NEK10: variants seen among roughly 807,000 people sequenced by gnomAD.
NEK10 encodes the protein serine/threonine-protein kinase Nek10.
NEK10 carries 122 observed loss-of-function variants against 159.8 expected under a neutral mutation model. The ratio of observed to expected loss-of-function variants is 0.76; its 90% CI spans 0.66 to 0.89. NEK10 has a LOEUF of 0.89. Ranked by LOEUF, NEK10 falls within the 40% of genes least tolerant of loss-of-function variation. NEK10 has a pLI of 0.00. For synonymous variants in NEK10, 466 were observed against 457.1 expected, an observed-to-expected ratio of 1.02 and a Z score of -0.25; for missense variants, 1,342 against 1,323.1, an observed-to-expected ratio of 1.01 and a Z score of -0.22.
At chr3:27,128,934 C>T (rs769316532) in intron 32 of NEK10, among the ~76,000 whole-genome samples, 10 of 152,026 alleles carry the variant, frequency 6.6e-5, no homozygotes, top group East Asian at 3.9e-4. Flanking sequence ...ATTAGTTTCT[C>T]GACTATTTCA....
At chr3:27,135,181 G>A (rs1943060498) in intron 31 of NEK10, among the ~76,000 whole-genome samples, 1 of 152,130 alleles carries the variant, frequency 6.6e-6, no homozygotes, top group African/African-American at 2.4e-5. Context: ...CACTTTGGGA[G>A]GCAAAGGTGG....
intron 1 of NEK10, among the ~76,000 whole-genome samples, chr3:27,359,117 A>T (rs1470879942): frequency 6.6e-6 from 1 of 150,738 alleles, no homozygotes; most frequent in Non-Finnish European, 1.5e-5. Context: ...CAGGAGAATC[A>T]CTTGAACCCA....
chr3:27,343,521 C>T (rs944913772), intron 5 of NEK10, among the ~76,000 whole-genome samples: 1 of 152,172 alleles, frequency 6.6e-6, no homozygotes, highest in African/African-American at 2.4e-5. Flanking sequence ...AGGCATTTTT[C>T]AGCTGATGCA....
At chr3:27,200,890 G>T (rs1156708315) in intron 25 of NEK10, among the ~76,000 whole-genome samples, 1 of 152,152 alleles carries the variant, frequency 6.6e-6, no homozygotes, top group African/African-American at 2.4e-5. Context: ...GTGCATGCCA[G>T]GACTAGTGGG....
At chr3:27,113,306 C>T (rs1939850698) in intron 35 of NEK10, among the ~76,000 whole-genome samples, 1 of 151,856 alleles carries the variant, frequency 6.6e-6, no homozygotes. Context: ...TGGTGGGCGC[C>T]TATAATCCCA....
intron 5 of NEK10, among the ~76,000 whole-genome samples, chr3:27,328,147 T>C (rs1258595595): frequency 6.6e-6 from 1 of 152,166 alleles, no homozygotes; most frequent in East Asian, 1.9e-4. Flanking sequence ...CTTAGAGGTA[T>C]TTCTTCTACA....
chr3:27,266,371 T>C (rs573530237), intron 22 of NEK10, among the ~76,000 whole-genome samples: 5 of 152,098 alleles, frequency 3.3e-5, no homozygotes, highest in Admixed American at 3.3e-4. Context: ...ATACAATATG[T>C]AGGTTGAGGT....
At chr3:27,336,733 T>C (rs1485746273) in intron 5 of NEK10, among the ~76,000 whole-genome samples, 1 of 152,126 alleles carries the variant, frequency 6.6e-6, no homozygotes, top group Non-Finnish European at 1.5e-5. Flanking sequence ...ATCAACAGAA[T>C]GAACGATAAA....
intron 23 of NEK10, among the ~76,000 whole-genome samples, chr3:27,254,212 G>C (rs1955947781): frequency 6.6e-6 from 1 of 152,014 alleles, no homozygotes; most frequent in Non-Finnish European, 1.5e-5. Flanking sequence ...AAGCCCATCA[G>C]CTATCTTTAG....
chr3:27,159,612 G>C (rs1382523884), intron 30 of NEK10, among the ~76,000 whole-genome samples: 2 of 151,956 alleles, frequency 1.3e-5, no homozygotes, highest in African/African-American at 4.8e-5. Context: ...GAATTCCTAA[G>C]TTTTCTATTG....
chr3:27,339,290 A>G (rs2047032312), intron 5 of NEK10, among the ~76,000 whole-genome samples: 2 of 152,176 alleles, frequency 1.3e-5, no homozygotes, highest in South Asian at 4.1e-4. Flanking sequence ...AATTTTTGCA[A>G]TCTACCCATC....
intron 23 of NEK10, among the ~76,000 whole-genome samples, chr3:27,204,374 A>G (rs1452910119): frequency 3.8e-5 from 4 of 103,940 alleles, no homozygotes; most frequent in African/African-American, 1.5e-4. Context: ...TTAGTTACAT[A>G]TGTATACATG....
At chr3:27,336,879 A>T (rs1374524455) in intron 5 of NEK10, among the ~76,000 whole-genome samples, 1 of 152,192 alleles carries the variant, frequency 6.6e-6, no homozygotes, top group Non-Finnish European at 1.5e-5. Context: ...GAAAAATATC[A>T]ACTTCAGCCA....
intron 9 of NEK10, chr3:27,309,986 T>G (rs1440071020): frequency 6.6e-6 from 1 of 152,176 alleles, no homozygotes; most frequent in African/African-American, 2.4e-5. Context: ...CTCTACATTT[T>G]CAGAATGCGG....
intron 30 of NEK10, 32 bp from the exon 31 acceptor site, chr3:27,141,614 T>C (rs761060598): frequency 1.1e-5 from 17 of 1,537,652 alleles, no homozygotes; most frequent in Non-Finnish European, 1.5e-5. Flanking sequence ...GTTAGTCAAG[T>C]TCTCTTTCAA....
chr3:27,317,781 G>GTTTA (rs568337309), intron 6 of NEK10, among the ~76,000 whole-genome samples: 38 of 151,820 alleles, frequency 2.5e-4, no homozygotes, highest in Admixed American at 4.6e-4. Flanking sequence ...GCTCCATAAA[G>GTTTA]TTTATTTATT....
chr3:27,352,828 G>C lies in NEK10; in HGVS notation c.55C>G (p.Gln19Glu), dbSNP rs1243897087. Residue 19 changes from glutamine (Q) to glutamate (E), a missense_variant, in exon 2 of 36, where the codon CAA becomes GAA. Physicochemically the swap from Gln to Glu is conservative, Grantham distance 29. Coordinates refer to ENST00000691995, the MANE Select transcript of NEK10 (RefSeq NM_001394966.1). Reference sequence around the variant, plus strand: ...GGGAGTTACCTGATGGTGATTTCTTGCTGTTTATCAGTTGATTTTTCTGTG... The same window carrying C: ...GGGAGTTACCTGATGGTGATTTCTTCCTGTTTATCAGTTGATTTTTCTGTG... ...KTTEKSTDKQ[Q>E]EITIRDYSDL... The C allele has an allele frequency of 1.9e-6, 3 of 1,609,040 alleles. No homozygotes were observed. Among genetic ancestry groups the C allele is most frequent in the Admixed American group, 1.7e-5 (1 of 59,896 alleles).
intron 26 of NEK10, among the ~76,000 whole-genome samples, 192 bp downstream of exon 26, chr3:27,191,837 A>C (rs1201671470): frequency 6.6e-6 from 1 of 152,252 alleles, no homozygotes; most frequent in Non-Finnish European, 1.5e-5. Context: ...ATTCATTCTT[A>C]GGAAGGTCAG....
chr3:27,319,888 A>G (rs2045492941), intron 6 of NEK10, among the ~76,000 whole-genome samples: 1 of 152,180 alleles, frequency 6.6e-6, no homozygotes, highest in Admixed American at 6.5e-5. Flanking sequence ...GAGAAAAGTG[A>G]AGATGGCTTG....
Sources: gnomAD v4.1 joint callset for allele counts (sites outside exome capture counted in the v4.1 genomes callset) on GRCh38, gnomAD v4.1.1 for gene constraint, MANE v1.5 for transcripts, NCBI Gene and HGNC (gene_info 2026-07-23, HGNC 2026-07-21) for gene names.